MAPK4: variants seen among roughly 807,000 people sequenced by gnomAD.
The protein encoded by MAPK4 is Erk3-related.
In MAPK4, 22 loss-of-function variants were observed where a neutral mutation model predicts 47.7. The observed-to-expected ratio is 0.46, with a 90% CI of 0.33 to 0.66. The LOEUF (loss-of-function observed/expected upper bound fraction) is 0.66. MAPK4 is among the 30% of genes least tolerant of loss of function. The pLI is 0.02. For synonymous variants in MAPK4, 390 were observed against 365.7 expected (o/e 1.07, Z -0.76); for missense variants, 736 against 831.7 (o/e 0.88, Z 1.42).
At chr18:50,653,930 G>T (rs983980435) in intron 1 of MAPK4, among the ~76,000 whole-genome samples, 2 of 152,186 alleles carry the variant, frequency 1.3e-5, no homozygotes, top group African/African-American at 4.8e-5. Context: ...ATGCACATGG[G>T]CTCCGACTGA....
At chr18:50,627,310 CAG>C (rs1239433561) in intron 1 of MAPK4, among the ~76,000 whole-genome samples, 1 of 152,166 alleles carries the variant, frequency 6.6e-6, no homozygotes, top group Non-Finnish European at 1.5e-5. Flanking sequence ...GGATTCCCCT[CAG>C]GGGGAAGGTT....
chr18:50,729,464 G>T lies in MAPK4; in HGVS notation c.1374G>T (p.Leu458=). 1 of 1,505,630 alleles carries T rather than the reference G, an allele frequency of 6.6e-7. No homozygotes were observed. The highest frequency in any genetic ancestry group is 1.4e-5 in the African/African-American group (1 of 72,330). The allele number at this position is 1,505,630 out of a possible 1,614,324, so 93.3% of individuals were successfully genotyped here. A position where few individuals can be genotyped will look rare whatever the true frequency, so the allele number is the denominator to read the frequency against. The part of the protein sequence containing the change: ...PHHYSEPKLI[L]DLSHWKQAAG... ...ACTACTCGGAGCCCAAGCTCATCCTGGACCTGTCGCACTGGAAGCAGGCGG... is the reference window on the plus strand; with the variant it reads ...ACTACTCGGAGCCCAAGCTCATCCTTGACCTGTCGCACTGGAAGCAGGCGG... The change falls in exon 6 of 6, where the codon CTG becomes CTT. Residue 458 remains leucine, a synonymous_variant. Coordinates refer to ENST00000400384, the MANE Select transcript of MAPK4 (RefSeq NM_002747.4).
chr18:50,600,322 G>C (rs759332603), intron 1 of MAPK4, among the ~76,000 whole-genome samples: 1 of 152,116 alleles, frequency 6.6e-6, no homozygotes, highest in Non-Finnish European at 1.5e-5. Context: ...TCCCTAACCA[G>C]GCATCTCAGG....
Position 50,715,153 on chromosome 18 carries a change from C to T in MAPK4, c.621C>T (p.Thr207=). 1.2e-6 allele frequency: 2 copies of T among 1,614,130 alleles called. No individual in the cohort carries two copies. ...PRLLLSPNNY[T]KAIDMWAAGC... ...TGCTCCTTTCCCCCAATAACTACACCAAAGCCATCGACATGTGGGCCGCCG... is the reference window on the plus strand; with the variant it reads ...TGCTCCTTTCCCCCAATAACTACACTAAAGCCATCGACATGTGGGCCGCCG... Residue 207 remains threonine (T), a synonymous_variant, in exon 3 of 6, where the codon ACC becomes ACT. Coordinates refer to ENST00000400384, the MANE Select transcript of MAPK4 (RefSeq NM_002747.4).
At chr18:50,593,453 A>C (rs2149368502) in intron 1 of MAPK4, among the ~76,000 whole-genome samples, 1 of 152,238 alleles carries the variant, frequency 6.6e-6, no homozygotes, top group South Asian at 2.1e-4. Context: ...CAGCTTCCCT[A>C]CTTCCTAGCT....
intron 5 of MAPK4, among the ~76,000 whole-genome samples, chr18:50,728,490 T>G (rs1198946058): frequency 6.6e-6 from 1 of 152,248 alleles, no homozygotes; most frequent in Non-Finnish European, 1.5e-5. Context: ...CTGGCTGTAC[T>G]TAGAATCACC....
rs1021675835 is a variant in MAPK4, at chr18:50,602,072, A to G, written c.-871+41829A>G. 3.3e-5 allele frequency among the ~76,000 whole-genome samples: 5 copies of G among 152,260 alleles called. No homozygotes were observed. In the South Asian group the frequency reaches 1.0e-3, roughly 32 times the overall value. On this transcript the variant is annotated intron_variant, in intron 1 of 5. Coordinates refer to ENST00000400384, the MANE Select transcript of MAPK4 (RefSeq NM_002747.4). The stretch of plus-strand genomic sequence containing the variant: ...ATCCAGCTTTATCTCACACATTTTT[A>G]TAGTGTGTTTCTTAAATTATATTTC...
At chr18:50,721,913 T>G (rs1401871563) in intron 3 of MAPK4, 25 bp from the exon 4 acceptor site, 2 of 1,613,366 alleles carry the variant, frequency 1.2e-6, no homozygotes, top group Non-Finnish European at 1.7e-6. Context: ...ACAGCACACT[T>G]AACCATCTGG....
At chr18:50,715,360 T>C (rs1910585799) in intron 3 of MAPK4, 137 bp downstream of exon 3, 2 of 1,067,240 alleles carry the variant, frequency 1.9e-6, no homozygotes, top group South Asian at 3.4e-5. Context: ...ATGACACTAT[T>C]TGGAGGCACC....
rs80177342 is a variant in MAPK4, at chr18:50,656,173, G to A, written c.-870-6916G>A. 6.9e-3 allele frequency among the ~76,000 whole-genome samples: 1,054 copies of A among 152,290 alleles called. 15 individuals are homozygous for A. Among genetic ancestry groups the A allele is most frequent in the South Asian group, 0.056 (269 of 4,826 alleles). Reference sequence around the variant, plus strand: ...CCTTCCTCTCCATTAGTTAGCTATCGCTGTATAACAAATGTCCCAACATTT... The same window carrying A: ...CCTTCCTCTCCATTAGTTAGCTATCACTGTATAACAAATGTCCCAACATTT... On this transcript the variant is annotated intron_variant, in intron 1 of 5. Transcript: ENST00000400384.
chr18:50,567,187 C>T (rs371714641), intron 1 of MAPK4, among the ~76,000 whole-genome samples: 15 of 152,058 alleles, frequency 9.9e-5, no homozygotes, highest in African/African-American at 3.1e-4. Context: ...GTTTGCTGCA[C>T]CCATCAACCT....
At position 50,729,192 on chromosome 18, in the gene MAPK4, C is replaced by G; in HGVS notation, c.1102C>G (p.Arg368Gly). ...GAGCCTGTCGTCGGACCTGGAGTGG[C>G]GGCCTGACCGGTGCCAGGACGCCAG... ...PVSLSSDLEW[R>G]PDRCQDASEV... The change falls in exon 6 of 6, where the codon CGG (arginine) becomes GGG (glycine). Residue 368 changes from arginine to glycine, a missense_variant. Physicochemically the swap from Arg to Gly is moderately radical, Grantham distance 125. Transcript: ENST00000400384. 1.3e-6 allele frequency: 2 copies of G among 1,590,660 alleles called. No homozygotes were observed. Among genetic ancestry groups the G allele is most frequent in the Non-Finnish European group, 1.7e-6 (2 of 1,162,174 alleles).
chr18:50,706,276 A>G (rs1910047922), intron 2 of MAPK4: 2 of 152,148 alleles, frequency 1.3e-5, no homozygotes, highest in Admixed American at 1.3e-4. Flanking sequence ...CCATGAAAAT[A>G]CTACTTACCT....
rs114448571 is a variant in MAPK4, at chr18:50,612,606, T to G, written c.-870-50483T>G. On this transcript the variant is annotated intron_variant, in intron 1 of 5. Transcript: ENST00000400384. ...TGACATTAGAGCAGAATTGCATTCT[T>G]GGACATTTTTCTTGTTTTTTCTTGC... 7.2e-3 allele frequency among the ~76,000 whole-genome samples: 1,095 copies of G among 152,350 alleles called. 11 individuals carry two copies. Among genetic ancestry groups the G allele is most frequent in the African/African-American group, 0.024 (1,005 of 41,582 alleles).
chr18:50,722,978 G>T (rs571076484), intron 4 of MAPK4, among the ~76,000 whole-genome samples: 3 of 152,312 alleles, frequency 2.0e-5, no homozygotes, highest in South Asian at 4.1e-4. Context: ...TCTAAGAAAT[G>T]ACTTAAAAAC....
At chr18:50,625,737 C>T (rs1347334525) in intron 1 of MAPK4, among the ~76,000 whole-genome samples, 1 of 152,030 alleles carries the variant, frequency 6.6e-6, no homozygotes, top group Non-Finnish European at 1.5e-5. Context: ...GGGAGATCCT[C>T]ATAGAAAGAA....
intron 1 of MAPK4, among the ~76,000 whole-genome samples, chr18:50,653,326 T>C (rs538025312): frequency 2.0e-5 from 3 of 152,304 alleles, no homozygotes; most frequent in Admixed American, 2.0e-4. Context: ...ATCTATAAGC[T>C]GAAAGATACC....
chr18:50,684,543 C>T (rs1329711027), intron 2 of MAPK4, among the ~76,000 whole-genome samples: 4 of 145,324 alleles, frequency 2.8e-5, no homozygotes, highest in Non-Finnish European at 6.1e-5. Flanking sequence ...GAGCCCCTGA[C>T]TCAAAAAAAA....
chr18:50,644,604 C>T (rs945397431), intron 1 of MAPK4, among the ~76,000 whole-genome samples: 10 of 152,264 alleles, frequency 6.6e-5, no homozygotes, highest in African/African-American at 1.7e-4. Flanking sequence ...GAAAGCCATT[C>T]CCCGCATCGC....
Sources: gnomAD v4.1 joint callset for allele counts (sites outside exome capture counted in the v4.1 genomes callset) on GRCh38, gnomAD v4.1.1 for gene constraint, MANE v1.5 for transcripts, NCBI Gene and HGNC (gene_info 2026-07-23, HGNC 2026-07-21) for gene names.